The following HFM1 variants were observed in gnomAD, a reference collection of about 807,000 sequenced individuals.
The protein encoded by HFM1 is probable ATP-dependent DNA helicase HFM1.
In HFM1, 169 loss-of-function variants were observed where a neutral mutation model predicts 192.1. The observed-to-expected ratio is 0.88, with a 90% CI of 0.78 to 1.00. The LOEUF (loss-of-function observed/expected upper bound fraction) is 1.00, where lower values mean the gene tolerates loss of function less well. Ranked by LOEUF, HFM1 falls within the 50% of genes least tolerant of loss-of-function variation. The pLI is 0.00. For missense variants in HFM1, 1,661 were observed against 1,668.0 expected (o/e 1.00, Z 0.07); for synonymous variants, 525 against 537.8 (o/e 0.98, Z 0.33).
At chr1:91,290,114 A>G (rs925158554) in intron 30 of HFM1, among the ~76,000 whole-genome samples, 2 of 152,180 alleles carry the variant, frequency 1.3e-5, no homozygotes, top group Non-Finnish European at 2.9e-5. Flanking sequence ...TGTAAAGACC[A>G]TCGAGACTAG....
intron 6 of HFM1, among the ~76,000 whole-genome samples, chr1:91,382,168 C>G (rs995845591): frequency 1.3e-5 from 2 of 152,082 alleles, no homozygotes; most frequent in Non-Finnish European, 2.9e-5. Flanking sequence ...TTCCTTGGCT[C>G]TTTTCCCTCC....
chr1:91,277,224 TAA>T (rs1268639389), intron 30 of HFM1, among the ~76,000 whole-genome samples, 162 bp from the exon 31 acceptor site: 1 of 151,768 alleles, frequency 6.6e-6, no homozygotes, highest in Non-Finnish European at 1.5e-5. Flanking sequence ...TTTTTTTTAA[TAA>T]AGAGATAGGG....
chr1:91,373,014 G>A (rs1660438938), intron 13 of HFM1, among the ~76,000 whole-genome samples: 1 of 151,846 alleles, frequency 6.6e-6, no homozygotes, highest in Admixed American at 6.6e-5. Flanking sequence ...TTTTCATATG[G>A]TAGTAACTAA....
At chr1:91,322,120 A>C (rs1317934447) in intron 23 of HFM1, among the ~76,000 whole-genome samples, 1 of 152,214 alleles carries the variant, frequency 6.6e-6, no homozygotes, top group Non-Finnish European at 1.5e-5. Context: ...TGAATATAGA[A>C]GTACAGCTAA....
At chr1:91,290,881 CTCAGGATT>C (rs2100927429) in intron 30 of HFM1, among the ~76,000 whole-genome samples, 1 of 152,260 alleles carries the variant, frequency 6.6e-6, no homozygotes, top group African/African-American at 2.4e-5. Flanking sequence ...CAAACTAGAA[CTCAGGATT>C]AAGAATCTCA....
chr1:91,367,363 C>T (rs748411441), intron 13 of HFM1, among the ~76,000 whole-genome samples: 8 of 152,140 alleles, frequency 5.3e-5, no homozygotes, highest in East Asian at 1.9e-4. Flanking sequence ...CCAGTAGGGG[C>T]GGACTGACAC....
At chr1:91,324,909 C>A in intron 20 of HFM1, 143 bp from the exon 21 acceptor site, 1 of 657,320 alleles carries the variant, frequency 1.5e-6, no homozygotes, top group Non-Finnish European at 2.8e-6. Flanking sequence ...TGCAGGAACA[C>A]CAAATTTTAA....
chr1:91,328,336 G>T, intron 20 of HFM1: 5 of 1,507,310 alleles, frequency 3.3e-6, no homozygotes, highest in Non-Finnish European at 2.7e-6. Flanking sequence ...TTTAGCCGCC[G>T]AGGCCTCGTG....
At position 91,274,831 on chromosome 1, in the gene HFM1, G is replaced by A. The variant is rs534227847; in HGVS notation, c.3589-22C>T. The A allele has an allele frequency of 2.4e-5, 31 of 1,269,160 alleles. No homozygotes were observed. In the South Asian group the frequency reaches 3.1e-4, roughly 13 times the overall value. 78.6% of individuals were successfully genotyped at this position (1,269,160 alleles called of 1,614,324 possible). On this transcript the variant is annotated intron_variant, in intron 32 of 38. Coordinates refer to ENST00000370425, the MANE Select transcript of HFM1 (RefSeq NM_001017975.6). Reference sequence around the variant, plus strand: ...GTATCTATTAATGAAACAAAAATAAGTTCAACTATCAGTTTCACATCAATA... The same window carrying A: ...GTATCTATTAATGAAACAAAAATAAATTCAACTATCAGTTTCACATCAATA...
chr1:91,325,076 A>T (rs1419674100), intron 20 of HFM1, among the ~76,000 whole-genome samples: 1 of 150,538 alleles, frequency 6.6e-6, no homozygotes, highest in African/African-American at 2.5e-5. Flanking sequence ...CTCTTAAGAC[A>T]GCATTTCTGG....
chr1:91,329,405 C>T, intron 20 of HFM1: 1 of 1,579,474 alleles, frequency 6.3e-7, no homozygotes. Context: ...TGGATGATTT[C>T]TTCAAGGTGA....
At chr1:91,401,981 T>C (rs1664355371) in intron 1 of HFM1, among the ~76,000 whole-genome samples, 1 of 151,860 alleles carries the variant, frequency 6.6e-6, no homozygotes, top group African/African-American at 2.4e-5. Context: ...TCCCTGCATA[T>C]CCTATTTTTT....
intron 3 of HFM1, among the ~76,000 whole-genome samples, chr1:91,396,055 T>C (rs1031919924): frequency 6.6e-6 from 1 of 152,118 alleles, no homozygotes; most frequent in Non-Finnish European, 1.5e-5. Flanking sequence ...TTCATCATAT[T>C]GGCCAGGCTG....
chr1:91,320,676 G>A (rs1651956342), intron 23 of HFM1, among the ~76,000 whole-genome samples: 1 of 152,154 alleles, frequency 6.6e-6, no homozygotes, highest in Non-Finnish European at 1.5e-5. Context: ...AGGGATAGGA[G>A]GAAGGACAGG....
intron 30 of HFM1, among the ~76,000 whole-genome samples, chr1:91,293,075 C>T (rs1477865618): frequency 1.1e-4 from 16 of 152,120 alleles, no homozygotes. Flanking sequence ...AAGACTTGAA[C>T]GTTAGACCTA....
chr1:91,375,531 A>T lies in HFM1; in HGVS notation c.1592T>A (p.Leu531His). ...TAAGCTATCAACAATCCATACCACA[A>T]GTGTGGGTTTCTGATCAGAGTACAT... ...IQMYSDQKPT[L>H]VFCATRKGVQ... Residue 531 changes from leucine (L) to histidine (H), a missense_variant, in exon 12 of 39, where the codon CTT becomes CAT. Leu to His is a moderately conservative substitution (Grantham distance 99). Coordinates refer to ENST00000370425, the MANE Select transcript of HFM1 (RefSeq NM_001017975.6). The T allele has an allele frequency of 6.2e-7, 1 of 1,612,574 alleles. No homozygotes were observed. Among genetic ancestry groups the T allele is most frequent in the South Asian group, 1.1e-5 (1 of 91,032 alleles).
rs1333455614 is a variant in HFM1, at chr1:91,276,986, G to A, written c.3468C>T (p.Asp1156=). 1.3e-6 allele frequency: 2 copies of A among 1,578,386 alleles called. No homozygotes were observed. The highest frequency in any genetic ancestry group is 2.3e-5 in the East Asian group (1 of 43,866). The change falls in exon 31 of 39, where the codon GAC becomes GAT. Residue 1156 remains aspartate (D), a synonymous_variant. Transcript: ENST00000370425. ...AACTTGTTTTAAGGAACTCACAGCA[G>A]TCATGTCCACATGTATGTTTACTTT... ...LCKSKHTCGH[D]CCKIGVAQKS...
At chr1:91,320,716 C>T (rs1651961265) in intron 23 of HFM1, among the ~76,000 whole-genome samples, 1 of 152,068 alleles carries the variant, frequency 6.6e-6, no homozygotes, top group Admixed American at 6.6e-5. Flanking sequence ...AGAACCATGG[C>T]AGGGCTCTCT....
chr1:91,379,296 A>G (rs1355263678), intron 8 of HFM1, 82 bp from the exon 9 acceptor site: 1 of 1,109,622 alleles, frequency 9.0e-7, no homozygotes, highest in East Asian at 2.4e-5. Context: ...TAAAGTTAGC[A>G]TAAAAAATAC....
Sources: allele counts gnomAD v4.1 joint callset (sites outside exome capture counted in the v4.1 genomes callset), GRCh38; gene constraint gnomAD v4.1.1; transcripts MANE v1.5; gene names NCBI Gene and HGNC (gene_info 2026-07-23, HGNC 2026-07-21).